The following SCFD2 variants were observed in gnomAD, a reference collection of about 807,000 sequenced individuals.
SCFD2 encodes the protein sec1 family domain-containing protein 2.
Under a neutral mutation model 58.9 loss-of-function variants are expected in SCFD2, and 54 were observed. The observed-to-expected ratio is 0.92, with a 90% CI of 0.74 to 1.15. The LOEUF is 1.15. Ranked by LOEUF, SCFD2 falls within the 50% of genes most tolerant of loss-of-function variation. The probability of loss-of-function intolerance (pLI) is 0.00; values close to 1 mark genes in which losing one functional copy is unlikely to be tolerated. For missense variants in SCFD2, 805 were observed against 836.6 expected (o/e 0.96, Z 0.47); for synonymous variants, 321 against 335.9 (o/e 0.96, Z 0.49).
chr4:53,315,704 A>G (rs1233287262), intron 2 of SCFD2, among the ~76,000 whole-genome samples: 1 of 152,216 alleles, frequency 6.6e-6, no homozygotes, highest in Non-Finnish European at 1.5e-5. Context: ...CTTATGCTTC[A>G]TAATTGTTCT....
chr4:52,957,963 T>C (rs1720749343), intron 5 of SCFD2: 1 of 152,132 alleles, frequency 6.6e-6, no homozygotes, highest in African/African-American at 2.4e-5. Flanking sequence ...TTTAAGAGAG[T>C]GTCATTAACC....
chr4:53,291,687 A>C (rs1030861662), intron 3 of SCFD2, among the ~76,000 whole-genome samples: 2 of 152,168 alleles, frequency 1.3e-5, no homozygotes, highest in African/African-American at 4.8e-5. Flanking sequence ...TCTTAAGCAA[A>C]AAGAACAAAG....
chr4:53,058,162 G>A (rs1723400429), intron 5 of SCFD2, among the ~76,000 whole-genome samples: 1 of 152,094 alleles, frequency 6.6e-6, no homozygotes, highest in South Asian at 2.1e-4. Flanking sequence ...CTTAAATAAT[G>A]TTAAGGCAGA....
chr4:53,365,086 C>A lies in SCFD2; in HGVS notation c.838+18G>T. The A allele has an allele frequency of 6.2e-7, 1 of 1,608,464 alleles. No homozygotes were observed. Among genetic ancestry groups the A allele is most frequent in the Non-Finnish European group, 8.5e-7 (1 of 1,177,424 alleles). Reference sequence around the variant, plus strand: ...ATGTGGGGAATGGTAATGAAGAACTCCAGAGCAATGCACTTACCTGTGAGA... The same window carrying A: ...ATGTGGGGAATGGTAATGAAGAACTACAGAGCAATGCACTTACCTGTGAGA... On this transcript the variant is annotated intron_variant, in intron 1 of 8. Transcript: ENST00000401642. The surrounding 1 kb of genome is among the most constrained non-coding windows in gnomAD (Gnocchi z 4.3).
chr4:53,296,176 C>CT (rs1732023394), intron 3 of SCFD2, among the ~76,000 whole-genome samples: 1 of 152,182 alleles, frequency 6.6e-6, no homozygotes, highest in African/African-American at 2.4e-5. Context: ...AGGATTCCCT[C>CT]TTTTTTTATT....
chr4:53,207,935 T>C (rs1728486779), intron 4 of SCFD2, among the ~76,000 whole-genome samples: 1 of 149,642 alleles, frequency 6.7e-6, no homozygotes, highest in African/African-American at 2.4e-5. Flanking sequence ...GTCTCAGGTA[T>C]TTCTTTTTTC....
At chr4:53,246,996 C>CAAA (rs55821656) in intron 4 of SCFD2, among the ~76,000 whole-genome samples, 6 of 94,882 alleles carry the variant, frequency 6.3e-5, no homozygotes, top group Admixed American at 2.2e-4. Context: ...AAAAAATTTA[C>CAAA]AAAAAAAAAA....
chr4:52,961,853 G>A (rs1450471846), intron 5 of SCFD2, among the ~76,000 whole-genome samples: 1 of 152,166 alleles, frequency 6.6e-6, no homozygotes. Flanking sequence ...CTTAGAAGTG[G>A]TGAGACTGGA....
At chr4:53,289,599 A>T (rs1343942664) in intron 3 of SCFD2, among the ~76,000 whole-genome samples, 4 of 152,182 alleles carry the variant, frequency 2.6e-5, no homozygotes, top group Non-Finnish European at 1.5e-5. Flanking sequence ...AACAATTAAC[A>T]AAATGGCAAT....
intron 3 of SCFD2, among the ~76,000 whole-genome samples, chr4:53,297,837 T>A (rs1386278816): frequency 6.6e-6 from 1 of 152,226 alleles, no homozygotes; most frequent in Non-Finnish European, 1.5e-5. Flanking sequence ...GGAGCTCTTG[T>A]AAGGCAGGCC....
chr4:53,037,776 T>A (rs1450431178), intron 5 of SCFD2, among the ~76,000 whole-genome samples: 1 of 152,206 alleles, frequency 6.6e-6, no homozygotes, highest in Non-Finnish European at 1.5e-5. Context: ...TGAAGTTGTC[T>A]TTTCATAGAA....
intron 5 of SCFD2, among the ~76,000 whole-genome samples, chr4:53,143,955 T>C (rs1368541645): frequency 6.6e-6 from 1 of 152,232 alleles, no homozygotes; most frequent in African/African-American, 2.4e-5. Context: ...TTACACAAAA[T>C]ATAAATAATG....
At chr4:52,971,115 C>G (rs919757846) in intron 5 of SCFD2, among the ~76,000 whole-genome samples, 2 of 152,220 alleles carry the variant, frequency 1.3e-5, no homozygotes, top group Non-Finnish European at 2.9e-5. Context: ...AGCACCTCTC[C>G]TCCTCCAAAG....
At chr4:53,075,078 C>T (rs1223011402) in intron 5 of SCFD2, among the ~76,000 whole-genome samples, 2 of 152,224 alleles carry the variant, frequency 1.3e-5, no homozygotes, top group Non-Finnish European at 2.9e-5. Flanking sequence ...CCACCTTCAT[C>T]AATGATCTTA....
In SCFD2 at chr4:53,146,029, T is replaced by C. The variant is rs752396200; in HGVS notation, c.1312-447A>G. Among the ~76,000 whole-genome samples the C allele has an allele frequency of 2.4e-4, 36 of 152,336 alleles. 1 individual carries two copies. The highest frequency in any genetic ancestry group is 6.2e-4 in the South Asian group (3 of 4,834). ...GGATTTTCCAGCATATTCTTTATAATAGTTTCTATATCAGCAAATATTAGC... is the reference window on the plus strand; with the variant it reads ...GGATTTTCCAGCATATTCTTTATAACAGTTTCTATATCAGCAAATATTAGC... On this transcript the variant is annotated intron_variant, in intron 4 of 8. Coordinates refer to ENST00000401642, the MANE Select transcript of SCFD2 (RefSeq NM_152540.4).
intron 4 of SCFD2, among the ~76,000 whole-genome samples, chr4:53,245,198 T>C (rs573801925): frequency 2.0e-5 from 3 of 151,554 alleles, no homozygotes; most frequent in South Asian, 2.1e-4. Flanking sequence ...GCTGGTACAA[T>C]TGCTACTGAA....
chr4:52,965,729 C>A (rs2109545675), intron 5 of SCFD2, among the ~76,000 whole-genome samples: 1 of 152,238 alleles, frequency 6.6e-6, no homozygotes, highest in African/African-American at 2.4e-5. Flanking sequence ...TACATGTGAC[C>A]AAAACCTGCC....
chr4:52,948,789 G>A (rs1285913615), intron 5 of SCFD2: 2 of 221,766 alleles, frequency 9.0e-6, no homozygotes, highest in East Asian at 1.2e-4. Context: ...GATTTAAAAC[G>A]ATGGGCGGAT....
At chr4:53,315,759 A>G (rs929790948) in intron 2 of SCFD2, among the ~76,000 whole-genome samples, 4 of 152,164 alleles carry the variant, frequency 2.6e-5, no homozygotes, top group Admixed American at 2.6e-4. Flanking sequence ...GATTTCTCAC[A>G]TAAGTCTCAA....
Sources: allele counts gnomAD v4.1 joint callset (sites outside exome capture counted in the v4.1 genomes callset), GRCh38; gene constraint gnomAD v4.1.1; non-coding constraint Gnocchi (gnomAD v3.1); transcripts MANE v1.5; gene names NCBI Gene and HGNC (gene_info 2026-07-23, HGNC 2026-07-21).